Variants in SEMA5B observed in about 807,000 individuals in gnomAD.
SEMA5B encodes the protein semaphorin-5B.
In SEMA5B, 66 loss-of-function variants were observed where a neutral mutation model predicts 135.0. The observed-to-expected ratio is 0.49, with a 90% confidence interval of 0.40 to 0.60. The LOEUF is 0.60. Ranked by LOEUF, SEMA5B falls within the 20% of genes least tolerant of loss-of-function variation. The pLI, the probability that SEMA5B is intolerant of heterozygous loss-of-function variation, is 0.00. For synonymous variants in SEMA5B, 690 were observed against 639.5 expected (o/e 1.08, Z -1.19); for missense variants, 1,501 against 1,566.3 (o/e 0.96, Z 0.70).
chr3:122,953,110 A>T lies in SEMA5B; in HGVS notation c.125-4401T>A, dbSNP rs368478556. ...TAGAACACCTCATTAGGGATACTCAATGCATATGCAAATAACAGCTTTTTA... is the reference window on the plus strand; with the variant it reads ...TAGAACACCTCATTAGGGATACTCATTGCATATGCAAATAACAGCTTTTTA... On this transcript the variant is annotated intron_variant, in intron 2 of 22. Coordinates refer to ENST00000357599, the MANE Select transcript of SEMA5B (RefSeq NM_001031702.4). Among the ~76,000 whole-genome samples the T allele has an allele frequency of 2.4e-4, 37 of 152,256 alleles. No homozygotes were observed. The South Asian group carries it at 6.6e-3, about 27-fold the overall frequency.
At chr3:122,968,854 A>G (rs146695112) in intron 1 of SEMA5B, among the ~76,000 whole-genome samples, 283 of 152,312 alleles carry the variant, frequency 1.9e-3, no homozygotes, top group African/African-American at 6.7e-3. Context: ...GCTATGGGCC[A>G]TAAGTCTTGG....
chr3:122,923,937 C>T (rs1364508796), intron 9 of SEMA5B, among the ~76,000 whole-genome samples, 185 bp from the exon 10 acceptor site: 1 of 152,088 alleles, frequency 6.6e-6, no homozygotes, highest in Non-Finnish European at 1.5e-5. Context: ...CCCCTGGGAA[C>T]GACCCACTGA....
intron 1 of SEMA5B, among the ~76,000 whole-genome samples, chr3:123,009,592 A>C (rs1942391047): frequency 6.6e-6 from 1 of 152,150 alleles, no homozygotes; most frequent in South Asian, 2.1e-4. Context: ...AGACAATGCT[A>C]TTCCATGGTT....
chr3:122,925,606 G>T (rs71330977), intron 9 of SEMA5B, among the ~76,000 whole-genome samples: 1 of 151,936 alleles, frequency 6.6e-6, no homozygotes, highest in African/African-American at 2.4e-5. Context: ...GGAGGCAGAG[G>T]TTGCAGTGAG....
At chr3:122,925,381 A>G (rs1938571342) in intron 9 of SEMA5B, among the ~76,000 whole-genome samples, 1 of 151,066 alleles carries the variant, frequency 6.6e-6, no homozygotes, top group South Asian at 2.1e-4. Flanking sequence ...AAAAAAAAAT[A>G]TTGCCAGCTG....
chr3:122,944,824 T>G (rs1939712697), intron 3 of SEMA5B, among the ~76,000 whole-genome samples: 1 of 152,166 alleles, frequency 6.6e-6, no homozygotes, highest in Non-Finnish European at 1.5e-5. Context: ...CCTCAGCCTA[T>G]GCATGACCCA....
At chr3:122,983,113 T>A (rs1048648142) in intron 1 of SEMA5B, among the ~76,000 whole-genome samples, 3 of 152,098 alleles carry the variant, frequency 2.0e-5, no homozygotes, top group Non-Finnish European at 4.4e-5. Context: ...CCTGCAGCAC[T>A]CCTCAACCTC....
At chr3:122,942,543 C>A (rs1472440010) in intron 4 of SEMA5B, among the ~76,000 whole-genome samples, 1 of 152,196 alleles carries the variant, frequency 6.6e-6, no homozygotes, top group Non-Finnish European at 1.5e-5. Flanking sequence ...GTTAAGGAGA[C>A]CTGGCTGTAG....
chr3:122,933,461 TC>T (rs1211386015), intron 5 of SEMA5B, among the ~76,000 whole-genome samples: 2 of 152,182 alleles, frequency 1.3e-5, no homozygotes, highest in Non-Finnish European at 2.9e-5. Flanking sequence ...TTTCTTTTTT[TC>T]TTTAGGCTCT....
intron 5 of SEMA5B, among the ~76,000 whole-genome samples, chr3:122,935,129 G>A (rs1405851082): frequency 6.6e-6 from 1 of 152,218 alleles, no homozygotes. Flanking sequence ...TAAGAGTAAA[G>A]TACTAAGCAG....
chr3:122,960,111 C>T (rs997468312), intron 2 of SEMA5B, among the ~76,000 whole-genome samples: 3 of 152,184 alleles, frequency 2.0e-5, no homozygotes, highest in African/African-American at 7.2e-5. Context: ...ATGCCCACAA[C>T]TCAAAAACAG....
At chr3:122,944,708 G>A (rs1939707021) in intron 3 of SEMA5B, among the ~76,000 whole-genome samples, 1 of 48,992 alleles carries the variant, frequency 2.0e-5, no homozygotes, top group Non-Finnish European at 8.3e-5. Context: ...CGGATGGGGA[G>A]TGGTCTGGGA....
chr3:122,954,558 G>A (rs1027999540), intron 2 of SEMA5B, among the ~76,000 whole-genome samples: 3 of 152,174 alleles, frequency 2.0e-5, no homozygotes, highest in Non-Finnish European at 4.4e-5. Context: ...AGTCTTTCAG[G>A]AAGAGGTGGC....
chr3:123,004,066 T>G (rs1942247232), intron 1 of SEMA5B, among the ~76,000 whole-genome samples: 1 of 152,156 alleles, frequency 6.6e-6, no homozygotes. Flanking sequence ...CAACCCCTGC[T>G]AAAGCTAAAC....
chr3:122,912,881 G>A lies in SEMA5B; in HGVS notation c.2687C>T (p.Ala896Val). 6.2e-7 allele frequency: 1 copy of A among 1,606,810 alleles called. No individual in the cohort carries two copies. Among genetic ancestry groups the A allele is most frequent in the Middle Eastern group, 1.7e-4 (1 of 6,030 alleles). Residue 896 changes from alanine (A) to valine (V), a missense_variant, in exon 18 of 23, where the codon GCT (alanine) becomes GTT (valine). Physicochemically the swap from Ala to Val is moderately conservative, Grantham distance 64 (BLOSUM62 0). Coordinates refer to ENST00000357599, the MANE Select transcript of SEMA5B (RefSeq NM_001031702.4). ...GGGGTTGCAGTCCTGGTACTCGGCAGCATCGCCCACGCAGGGCAGGCCCCC... is the reference window on the plus strand; with the variant it reads ...GGGGTTGCAGTCCTGGTACTCGGCAACATCGCCCACGCAGGGCAGGCCCCC... ...RNGGLPCVGD[A>V]AEYQDCNPQA... is the part of the protein sequence containing the mutation.
chr3:122,986,162 T>C (rs1418701069), intron 1 of SEMA5B, among the ~76,000 whole-genome samples: 3 of 152,248 alleles, frequency 2.0e-5, no homozygotes, highest in African/African-American at 7.2e-5. Context: ...TTTGTCTTAC[T>C]CTAAGTGTGT....
chr3:122,972,382 T>C (rs950668597), intron 1 of SEMA5B, among the ~76,000 whole-genome samples: 1 of 152,212 alleles, frequency 6.6e-6, no homozygotes, highest in Non-Finnish European at 1.5e-5. Context: ...GTATAAAGCA[T>C]GCCAGCCCTT....
chr3:122,961,372 A>G, intron 1 of SEMA5B, 71 bp from the exon 2 acceptor site: 1 of 1,387,114 alleles, frequency 7.2e-7, no homozygotes, highest in Non-Finnish European at 9.9e-7. Context: ...GGTCAGATAT[A>G]GGCCAGACTG....
intron 5 of SEMA5B, among the ~76,000 whole-genome samples, chr3:122,935,137 C>A (rs775145044): frequency 1.3e-5 from 2 of 152,226 alleles, no homozygotes; most frequent in Non-Finnish European, 2.9e-5. Flanking sequence ...AAGTACTAAG[C>A]AGCTCACTGG....
Sources: allele counts gnomAD v4.1 joint callset (sites outside exome capture counted in the v4.1 genomes callset), GRCh38; gene constraint gnomAD v4.1.1; transcripts MANE v1.5; gene names NCBI Gene and HGNC (gene_info 2026-07-23, HGNC 2026-07-21).